Variants in DCAF10 observed in about 807,000 individuals in gnomAD.
DCAF10 encodes the protein DDB1 and CUL4 associated factor 10, also known as DDB1- and CUL4-associated factor 10.
In DCAF10, 19 loss-of-function variants were observed where a neutral mutation model predicts 51.9. That is an observed-to-expected ratio of 0.37 (90% CI 0.26 to 0.54). The LOEUF (loss-of-function observed/expected upper bound fraction) is 0.54, where lower values mean the gene tolerates loss of function less well. Ranked by LOEUF, DCAF10 falls within the 20% of genes least tolerant of loss-of-function variation. The pLI, the probability that DCAF10 is intolerant of heterozygous loss-of-function variation, is 0.87. For missense variants in DCAF10, 510 were observed against 730.6 expected (o/e 0.70, Z 3.48); for synonymous variants, 291 against 297.1 (o/e 0.98, Z 0.21).
At chr9:37,808,286 T>C in intron 1 of DCAF10, among the ~76,000 whole-genome samples, 1 of 151,258 alleles carries the variant, frequency 6.6e-6, no homozygotes, top group East Asian at 1.9e-4. Context: ...CTCATGCCTA[T>C]AGTCCTAGCT....
At chr9:37,807,202 C>T (rs1829139251) in intron 1 of DCAF10, among the ~76,000 whole-genome samples, 1 of 152,000 alleles carries the variant, frequency 6.6e-6, no homozygotes. Flanking sequence ...TTTTTTTAGG[C>T]CAGGTATGGC....
intron 3 of DCAF10, among the ~76,000 whole-genome samples, chr9:37,847,617 C>CTT (rs1564046127): frequency 6.6e-6 from 1 of 151,902 alleles, no homozygotes; most frequent in Non-Finnish European, 1.5e-5. Flanking sequence ...GCTCTCACCA[C>CTT]TTTTTTTTGA....
At chr9:37,836,971 T>C (rs1830185261) in intron 2 of DCAF10, among the ~76,000 whole-genome samples, 1 of 152,230 alleles carries the variant, frequency 6.6e-6, no homozygotes, top group African/African-American at 2.4e-5. Context: ...TGGCATGCAC[T>C]GACCTCTTCT....
intron 2 of DCAF10, among the ~76,000 whole-genome samples, chr9:37,821,117 A>C (rs368762219): frequency 6.6e-6 from 1 of 151,718 alleles, no homozygotes; most frequent in Non-Finnish European, 1.5e-5. Context: ...ACACACACAC[A>C]CTCACACATA....
intron 1 of DCAF10, among the ~76,000 whole-genome samples, chr9:37,805,152 G>A (rs1270931609): frequency 3.3e-5 from 5 of 152,148 alleles, no homozygotes; most frequent in Non-Finnish European, 7.3e-5. Context: ...GATTAATAGA[G>A]ATGGAACAAA....
rs1829961688 is a variant in DCAF10, at chr9:37,829,997, T to C, written c.653+10596T>C. On this transcript the variant is annotated intron_variant, in intron 2 of 6. Coordinates refer to ENST00000377724, the MANE Select transcript of DCAF10 (RefSeq NM_024345.5). The surrounding 1 kb of genome is among the most constrained non-coding windows in gnomAD (Gnocchi z 4.2). ...CAGTCTGGGTGACAGAGCAAGACCC[T>C]GTCTCTTAAAGAATAAAGAAGAAGA... Among the ~76,000 whole-genome samples, 1 of 152,098 alleles carries C rather than the reference T, an allele frequency of 6.6e-6. No homozygotes were observed.
intron 2 of DCAF10, among the ~76,000 whole-genome samples, chr9:37,833,645 A>G (rs1830066515): frequency 1.3e-5 from 2 of 152,158 alleles, no homozygotes; most frequent in Non-Finnish European, 1.5e-5. Flanking sequence ...ACAGTCATGT[A>G]TGCTGGGGTT....
chr9:37,840,978 G>T (rs1830318246), intron 2 of DCAF10, among the ~76,000 whole-genome samples: 1 of 152,052 alleles, frequency 6.6e-6, no homozygotes, highest in South Asian at 2.1e-4. Flanking sequence ...TGAGTGATAG[G>T]CTATATACCA....
At chr9:37,832,608 T>A (rs1307831977) in intron 2 of DCAF10, among the ~76,000 whole-genome samples, 1 of 152,232 alleles carries the variant, frequency 6.6e-6, no homozygotes, top group East Asian at 1.9e-4. Flanking sequence ...AAATTTCTTA[T>A]CTTACAAAGG....
intron 5 of DCAF10, among the ~76,000 whole-genome samples, chr9:37,859,550 T>C (rs939668719): frequency 6.6e-6 from 1 of 152,184 alleles, no homozygotes; most frequent in Non-Finnish European, 1.5e-5. Context: ...TTTTTGTTTA[T>C]AGTGTTGTTA....
chr9:37,837,520 A>C (rs10114515), intron 2 of DCAF10, among the ~76,000 whole-genome samples: 28,887 of 151,446 alleles, frequency 0.19, 3,156 homozygotes, highest in African/African-American at 0.29. Context: ...TTTCTTTACT[A>C]AGCTTCTCAT....
intron 1 of DCAF10, among the ~76,000 whole-genome samples, chr9:37,812,545 A>G (rs1465713702): frequency 6.6e-6 from 1 of 152,260 alleles, no homozygotes; most frequent in Admixed American, 6.5e-5. Context: ...ATTATTCTTT[A>G]GGAGGAAGGA....
At chr9:37,804,733 A>T (rs1218476010) in intron 1 of DCAF10, among the ~76,000 whole-genome samples, 2 of 151,894 alleles carry the variant, frequency 1.3e-5, no homozygotes, top group Admixed American at 1.3e-4. Flanking sequence ...CCAAGACCGT[A>T]CCACTGCACT....
At chr9:37,856,779 C>A (rs945884781) in intron 4 of DCAF10, among the ~76,000 whole-genome samples, 1 of 151,822 alleles carries the variant, frequency 6.6e-6, no homozygotes, top group Non-Finnish European at 1.5e-5. Context: ...ATAGCAAGAT[C>A]CTTGTCTCAA....
At chr9:37,853,069 T>C (rs1830731772) in intron 3 of DCAF10, among the ~76,000 whole-genome samples, 1 of 148,574 alleles carries the variant, frequency 6.7e-6, no homozygotes, top group Non-Finnish European at 1.5e-5. Flanking sequence ...GGAGAATCGC[T>C]TAAACCCAGG....
intron 1 of DCAF10, among the ~76,000 whole-genome samples, chr9:37,805,481 C>T (rs1829086665): frequency 6.6e-6 from 1 of 152,044 alleles, no homozygotes; most frequent in Non-Finnish European, 1.5e-5. Context: ...GAGACTCCAT[C>T]TCAAAGTAAA....
chr9:37,801,277 C>T lies in DCAF10; in HGVS notation c.411C>T (p.Phe137=), dbSNP rs1010014405. 6.9e-6 allele frequency: 11 copies of T among 1,595,508 alleles called. No individual in the cohort carries two copies. The African/African-American group carries it at 9.6e-5, about 14-fold the overall frequency. ...LKERSLGRGL[F]VDPARDNFRT... ...AGCGCAGCCTGGGCCGCGGGCTGTTCGTGGACCCGGCGCGGGACAATTTTC... is the reference window on the plus strand; with the variant it reads ...AGCGCAGCCTGGGCCGCGGGCTGTTTGTGGACCCGGCGCGGGACAATTTTC... The change falls in exon 1 of 7, where the codon TTC becomes TTT. Residue 137 remains phenylalanine (F), a synonymous_variant. Transcript: ENST00000377724. The surrounding 1 kb of genome is among the most constrained non-coding windows in gnomAD (Gnocchi z 5.5).
At chr9:37,816,317 G>A (rs578104976) in intron 1 of DCAF10, among the ~76,000 whole-genome samples, 1 of 152,328 alleles carries the variant, frequency 6.6e-6, no homozygotes, top group African/African-American at 2.4e-5. Context: ...GGCCACGCGC[G>A]ATGGCTCACG....
At position 37,800,918 on chromosome 9, in the gene DCAF10, G is replaced by A. The variant is rs1828902722; in HGVS notation, c.52G>A (p.Gly18Arg). 3.3e-6 allele frequency: 5 copies of A among 1,495,126 alleles called. No homozygotes were observed. The highest frequency in any genetic ancestry group is 1.4e-5 in the African/African-American group (1 of 70,076). The allele number at this position is 1,495,126 out of a possible 1,614,324, so 92.6% of individuals were successfully genotyped here. A position where few individuals can be genotyped will look rare whatever the true frequency, so the allele number is the denominator to read the frequency against. Residue 18 changes from glycine to arginine, a missense_variant, in exon 1 of 7, where the codon GGG becomes AGG. Gly to Arg is a moderately radical substitution (Grantham distance 125). Around this residue, in one of 4 missense-constraint regions of DCAF10, gnomAD observed 251 missense variants for 227.9 expected, o/e 1.10. Transcript: ENST00000377724. ...SPGGDGSAGA[G>R]AEEPTPHEGQ... ...TGGAGGGGACGGATCGGCCGGAGCCGGGGCTGAGGAGCCGACGCCCCACGA... is the reference window on the plus strand; with the variant it reads ...TGGAGGGGACGGATCGGCCGGAGCCAGGGCTGAGGAGCCGACGCCCCACGA...
Sources: allele counts gnomAD v4.1 joint callset (sites outside exome capture counted in the v4.1 genomes callset), GRCh38; gene constraint gnomAD v4.1.1; regional missense constraint gnomAD v4.1.1; non-coding constraint Gnocchi (gnomAD v3.1); transcripts MANE v1.5; gene names NCBI Gene and HGNC (gene_info 2026-07-23, HGNC 2026-07-21).